Variants in FMNL2 observed in about 807,000 individuals in gnomAD.
FMNL2 encodes the protein formin-like protein 2.
In FMNL2, 51 loss-of-function variants were observed where a neutral mutation model predicts 130.2. That is an observed-to-expected ratio of 0.39 (90% CI 0.31 to 0.49). The LOEUF (loss-of-function observed/expected upper bound fraction) is 0.49, where lower values mean the gene tolerates loss of function less well. Ranked by LOEUF, FMNL2 falls within the 20% of genes least tolerant of loss-of-function variation. FMNL2 has a pLI of 0.85. For synonymous variants in FMNL2, 465 were observed against 467.1 expected (o/e 1.00, Z 0.06); for missense variants, 977 against 1,316.2 (o/e 0.74, Z 3.99).
rs1579464459 is a variant in FMNL2 at position 152,356,739 on chromosome 2, C to T, written c.117+21019C>T. On this transcript the variant is annotated intron_variant, in intron 1 of 25. Transcript: ENST00000288670. Reference sequence around the variant, plus strand: ...GTGCCACACTTTTTGCACTTTTGTGCTTTTTTTTTTTTGGTGATTTTGCTA... The same window carrying T: ...GTGCCACACTTTTTGCACTTTTGTGTTTTTTTTTTTTTGGTGATTTTGCTA... 2.7e-5 allele frequency among the ~76,000 whole-genome samples: 4 copies of T among 145,914 alleles called. No homozygotes were observed. The South Asian group carries it at 6.3e-4, about 23-fold the overall frequency.
intron 6 of FMNL2, among the ~76,000 whole-genome samples, chr2:152,565,750 AAG>A (rs1459093108): frequency 6.6e-6 from 1 of 152,060 alleles, no homozygotes. Context: ...CCTCCAGAGT[AAG>A]AGTTTGTTTT....
chr2:152,611,581 A>C lies in FMNL2; in HGVS notation c.1038A>C (p.Lys346Asn). 6.2e-7 allele frequency: 1 copy of C among 1,602,044 alleles called. No homozygotes were observed. The highest frequency in any genetic ancestry group is 8.5e-7 in the Non-Finnish European group (1 of 1,172,626). The change falls in exon 11 of 26, where the codon AAA becomes AAC. Residue 346 changes from lysine to asparagine, a missense_variant. Transcript: ENST00000288670. ...FRVHLQYEFT[K>N]LGLDEYLDKL... is the part of the protein sequence containing the mutation. ...TTCACCTGCAGTATGAATTTACCAA[A>C]TTAGGCCTGGACGAATACTTGGACG...
At position 152,640,831 on chromosome 2, in the gene FMNL2, T is replaced by C. The variant is rs575556090; in HGVS notation, c.3086T>C (p.Ile1029Thr). Residue 1029 changes from isoleucine (I) to threonine (T), a missense_variant, in exon 25 of 26, where the codon ATT becomes ACT. By Grantham distance (89) the Ile-to-Thr change is moderately conservative (BLOSUM62 -1). Coordinates refer to ENST00000288670, the MANE Select transcript of FMNL2 (RefSeq NM_052905.4). The part of the protein sequence containing the change: ...HKSKRQQQEL[I>T]AELRRRQVKD... Reference sequence around the variant, plus strand: ...TCAAAGAGGCAGCAGCAAGAGTTAATTGCAGAATTAAGAAGACGACAAGTT... The same window carrying C: ...TCAAAGAGGCAGCAGCAAGAGTTAACTGCAGAATTAAGAAGACGACAAGTT... The C allele has an allele frequency of 2.4e-5, 39 of 1,613,698 alleles. No individual in the cohort carries two copies. Among genetic ancestry groups the C allele is most frequent in the African/African-American group, 5.3e-5 (4 of 74,916 alleles).
chr2:152,521,756 C>T (rs150034689), intron 1 of FMNL2, among the ~76,000 whole-genome samples, 187 bp from the exon 2 acceptor site: 89 of 152,232 alleles, frequency 5.8e-4, no homozygotes, highest in African/African-American at 2.0e-3. Flanking sequence ...CAGAATTTCC[C>T]GCCTCTCATC....
At chr2:152,616,334 T>G (rs532051898) in intron 12 of FMNL2, among the ~76,000 whole-genome samples, 37 of 145,074 alleles carry the variant, frequency 2.6e-4, no homozygotes, top group Admixed American at 1.6e-3. Context: ...TGGGTTTTTT[T>G]TTTTTTTTTT....
At chr2:152,379,872 T>C (rs1182701446) in intron 1 of FMNL2, among the ~76,000 whole-genome samples, 1 of 152,250 alleles carries the variant, frequency 6.6e-6, no homozygotes, top group Non-Finnish European at 1.5e-5. Flanking sequence ...TGTAGTCTGC[T>C]TTCTGTAGTC....
rs891510875 is a variant in FMNL2, at chr2:152,364,275, T to G, written c.117+28555T>G. 3.1e-4 allele frequency among the ~76,000 whole-genome samples: 46 copies of G among 149,042 alleles called. 1 individual carries two copies. In the East Asian group the frequency reaches 7.0e-3, roughly 23 times the overall value. On this transcript the variant is annotated intron_variant, in intron 1 of 25. Coordinates refer to ENST00000288670, the MANE Select transcript of FMNL2 (RefSeq NM_052905.4). ...GAGGTTTGTGTGTTTTTTTTTTTTT[T>G]TTTTTTTTTTTTTTTTTACCAGATC...
chr2:152,335,497 CG>C lies in FMNL2; in HGVS notation c.-104del. On this transcript the variant is annotated 5_prime_UTR_variant, in exon 1 of 26. Transcript: ENST00000288670. Reference sequence around the variant, plus strand: ...CTGGGCGCGGCGGAGGGCGGGGAGCCGGGCAGGTCGCGCCTGCGGGCGGCAG... The same window carrying C: ...CTGGGCGCGGCGGAGGGCGGGGAGCCGGCAGGTCGCGCCTGCGGGCGGCAG... The C allele has an allele frequency of 1.4e-6, 1 of 720,156 alleles. No homozygotes were observed. The highest frequency in any genetic ancestry group is 2.0e-6 in the Non-Finnish European group (1 of 490,916). The allele number at this position is 720,156 out of a possible 1,614,324, so 44.6% of individuals were successfully genotyped here. A position where few individuals can be genotyped will look rare whatever the true frequency, so the allele number is the denominator to read the frequency against.
chr2:152,450,320 T>C (rs1688568555), intron 1 of FMNL2, among the ~76,000 whole-genome samples: 1 of 152,178 alleles, frequency 6.6e-6, no homozygotes, highest in Non-Finnish European at 1.5e-5. Flanking sequence ...CAGTTTCCCT[T>C]CTGATTAACA....
At chr2:152,514,951 A>C (rs1170187860) in intron 1 of FMNL2, among the ~76,000 whole-genome samples, 1 of 152,150 alleles carries the variant, frequency 6.6e-6, no homozygotes, top group Non-Finnish European at 1.5e-5. Context: ...CACCATCCTC[A>C]TCACCCTCAT....
intron 9 of FMNL2, among the ~76,000 whole-genome samples, chr2:152,604,651 A>G (rs545765950): frequency 6.6e-6 from 1 of 152,120 alleles, no homozygotes; most frequent in South Asian, 2.1e-4. Flanking sequence ...GCTGGAATGC[A>G]GTGGTATGAT....
rs36031692 is a variant in FMNL2 at position 152,601,667 on chromosome 2, C to CTTTTTTT, written c.877-5669_877-5668insTTTTTTT. 1.6e-4 allele frequency among the ~76,000 whole-genome samples: 21 copies of CTTTTTTT among 132,236 alleles called. 2 individuals carry two copies. The highest frequency in any genetic ancestry group is 5.3e-4 in the African/African-American group (17 of 32,246). 86.8% of individuals were successfully genotyped at this position (132,236 alleles called of 152,430 possible). A position where few individuals can be genotyped will look rare whatever the true frequency, so the allele number is the denominator to read the frequency against. On this transcript the variant is annotated intron_variant, in intron 9 of 25. Transcript: ENST00000288670. ...CTAAGGCTCTCTTTTCTTTTCTTTT[C>CTTTTTTT]TTTCTTTTTTTTTTTTTTTTGAGAC...
At position 152,408,842 on chromosome 2, in the gene FMNL2, T is replaced by C. The variant is rs147036139; in HGVS notation, c.117+73122T>C. 1.2e-3 allele frequency among the ~76,000 whole-genome samples: 182 copies of C among 152,314 alleles called. 4 individuals are homozygous for C. The East Asian group carries it at 0.026, about 22-fold the overall frequency. On this transcript the variant is annotated intron_variant, in intron 1 of 25. Transcript: ENST00000288670. ...AATGGTCGTATGGGTACTGGAATTA[T>C]GGTTTCTACTGAATATATATCGCTT...
intron 1 of FMNL2, among the ~76,000 whole-genome samples, chr2:152,412,465 T>TA (rs1394248181): frequency 6.9e-4 from 7 of 10,164 alleles, no homozygotes; most frequent in Non-Finnish European, 1.9e-3. Context: ...TATATATATA[T>TA]ATATATATAT....
chr2:152,459,945 C>A (rs1689153721), intron 1 of FMNL2, among the ~76,000 whole-genome samples: 2 of 152,010 alleles, frequency 1.3e-5, no homozygotes, highest in African/African-American at 2.4e-5. Context: ...CGTTTGAGTC[C>A]CTAGTCACCA....
At chr2:152,356,714 G>T (rs1302535271) in intron 1 of FMNL2, among the ~76,000 whole-genome samples, 1 of 143,812 alleles carries the variant, frequency 7.0e-6, no homozygotes, top group East Asian at 2.1e-4. Context: ...TTTCTATTTA[G>T]TGCCACACTT....
chr2:152,540,930 A>G (rs1694278658), intron 2 of FMNL2, among the ~76,000 whole-genome samples: 1 of 152,244 alleles, frequency 6.6e-6, no homozygotes, highest in Admixed American at 6.5e-5. Context: ...GCAAGGCTTC[A>G]GTGGACCATG....
intron 2 of FMNL2, among the ~76,000 whole-genome samples, chr2:152,532,425 T>C (rs1428796703): frequency 6.6e-6 from 1 of 152,156 alleles, no homozygotes; most frequent in East Asian, 1.9e-4. Flanking sequence ...CCCTTGGTAT[T>C]GTCAGTCCGT....
intron 1 of FMNL2, among the ~76,000 whole-genome samples, chr2:152,476,480 AG>A (rs1690157975): frequency 6.6e-6 from 1 of 152,136 alleles, no homozygotes; most frequent in South Asian, 2.1e-4. Context: ...AGACCAGTCT[AG>A]GCTTCATAGC....
Sources: allele counts gnomAD v4.1 joint callset (sites outside exome capture counted in the v4.1 genomes callset), GRCh38; gene constraint gnomAD v4.1.1; transcripts MANE v1.5; gene names NCBI Gene and HGNC (gene_info 2026-07-23, HGNC 2026-07-21).